MITF: variants seen among roughly 807,000 people sequenced by gnomAD.
MITF encodes melanocyte inducing transcription factor, also known as microphthalmia-associated transcription factor.
In MITF, 17 loss-of-function variants were observed where a neutral mutation model predicts 60.5. The ratio of observed to expected loss-of-function variants is 0.28; its 90% CI spans 0.19 to 0.42. The LOEUF is 0.42. Among genes scored for constraint, MITF ranks in the 10% least tolerant of loss-of-function variants. The probability of loss-of-function intolerance (pLI) is 1.00; values close to 1 mark genes in which losing one functional copy is unlikely to be tolerated. For synonymous variants in MITF, 260 were observed against 248.5 expected, an observed-to-expected ratio of 1.05 and a Z score of -0.43; for missense variants, 622 against 683.5, an observed-to-expected ratio of 0.91 and a Z score of 1.00.
At chr3:69,953,639 A>ATG (rs758316664) in intron 7 of MITF, among the ~76,000 whole-genome samples, 3,520 of 142,154 alleles carry the variant, frequency 0.025, 116 homozygotes, top group African/African-American at 0.078. Flanking sequence ...GTATATATAT[A>ATG]TATGTATGTA....
At chr3:69,757,067 C>T (rs1008592208) in intron 1 of MITF, among the ~76,000 whole-genome samples, 2 of 151,874 alleles carry the variant, frequency 1.3e-5, no homozygotes, top group South Asian at 4.2e-4. Flanking sequence ...AAAATTTTCT[C>T]CCATTCTGTA....
intron 1 of MITF, chr3:69,752,522 G>C (rs1007757048): frequency 5.3e-5 from 8 of 152,138 alleles, no homozygotes; most frequent in Non-Finnish European, 7.4e-5. Flanking sequence ...CCTGCCATAG[G>C]GATCTGTGGA....
Position 69,941,480 on chromosome 3 carries a change from A to T in MITF, c.762+149A>T, listed in dbSNP as rs2065967876. On this transcript the variant is annotated intron_variant, in intron 5 of 9. Coordinates refer to ENST00000352241, the MANE Select transcript of MITF (RefSeq NM_001354604.2). ...GAGAATTATCTCAGGATCACAAATAAGTGACTTTAACATCAGAAATTAAGA... is the reference window on the plus strand; with the variant it reads ...GAGAATTATCTCAGGATCACAAATATGTGACTTTAACATCAGAAATTAAGA... The T allele has an allele frequency of 6.4e-6, 4 of 627,460 alleles. No individual in the cohort carries two copies. The South Asian group carries it at 7.7e-5, about 12-fold the overall frequency. The allele number at this position is 627,460 out of a possible 1,614,324, so 38.9% of individuals were successfully genotyped here.
chr3:69,751,361 A>T lies in MITF; in HGVS notation c.104+11660A>T, dbSNP rs147333954. ...TTGTCACAAATGAGGATGTCCTGAC[A>T]TAATGGAATCGTTCCCCTTGTTCTG... On this transcript the variant is annotated intron_variant, in intron 1 of 9. Coordinates refer to ENST00000352241, the MANE Select transcript of MITF (RefSeq NM_001354604.2). 2.0e-5 allele frequency among the ~76,000 whole-genome samples: 3 copies of T among 152,300 alleles called. No individual in the cohort carries two copies. In the East Asian group the frequency reaches 5.8e-4, roughly 29 times the overall value.
At chr3:69,940,793 C>T (rs2065950433) in intron 4 of MITF, among the ~76,000 whole-genome samples, 1 of 152,122 alleles carries the variant, frequency 6.6e-6, no homozygotes, top group African/African-American at 2.4e-5. Flanking sequence ...TACATCTCTC[C>T]TGTTTAGGGC....
In MITF at chr3:69,966,663, T is replaced by A. The variant is rs1284669853; in HGVS notation, c.*1415T>A. ...ATGTTATAAAGTTAGTTTCAGTGCATTATCTACTTGTGTAGTCCTATGCAA... is the reference window on the plus strand; with the variant it reads ...ATGTTATAAAGTTAGTTTCAGTGCAATATCTACTTGTGTAGTCCTATGCAA... On this transcript the variant is annotated 3_prime_UTR_variant, in exon 10 of 10. Transcript: ENST00000352241. 8 of 232,980 alleles carry A rather than the reference T, an allele frequency of 3.4e-5. No homozygotes were observed. In the East Asian group the frequency reaches 4.9e-4, roughly 14 times the overall value. The allele number at this position is 232,980 out of a possible 1,614,324, so 14.4% of individuals were successfully genotyped here.
At chr3:69,963,476 T>G (rs2066600954) in intron 9 of MITF, among the ~76,000 whole-genome samples, 1 of 152,234 alleles carries the variant, frequency 6.6e-6, no homozygotes, top group South Asian at 2.1e-4. Flanking sequence ...AACAACTTAT[T>G]AAGTATTTAG....
chr3:69,936,096 A>G (rs2065826948), intron 2 of MITF, among the ~76,000 whole-genome samples: 1 of 152,178 alleles, frequency 6.6e-6, no homozygotes, highest in Admixed American at 6.5e-5. Flanking sequence ...ACATCTATGT[A>G]GCTAAGAATA....
intron 1 of MITF, among the ~76,000 whole-genome samples, chr3:69,806,583 T>C (rs567096332): frequency 6.6e-6 from 1 of 152,256 alleles, no homozygotes; most frequent in Admixed American, 6.5e-5. Flanking sequence ...TAGAGGTGGG[T>C]CCTTGAACTC....
chr3:69,936,935 A>G (rs1225762232), intron 2 of MITF: 2 of 473,604 alleles, frequency 4.2e-6, no homozygotes, highest in South Asian at 7.0e-5. Context: ...CAAAGTAAAT[A>G]TTAGTAGGAT....
chr3:69,888,413 CTTTTTTTT>C (rs199920801), intron 2 of MITF, among the ~76,000 whole-genome samples: 8 of 141,876 alleles, frequency 5.6e-5, no homozygotes, highest in African/African-American at 1.8e-4. Context: ...TTCTTTTTTT[CTTTTTTTT>C]TTTTTCTTTT....
chr3:69,863,532 G>C lies in MITF; in HGVS notation c.105-15602G>C, dbSNP rs11916863. Reference sequence around the variant, plus strand: ...CACCACATTATGTCCCCTTCGGGAAGGGCTGGAATTGATACCATTGGTTTC... The same window carrying C: ...CACCACATTATGTCCCCTTCGGGAACGGCTGGAATTGATACCATTGGTTTC... On this transcript the variant is annotated intron_variant, in intron 1 of 9. Transcript: ENST00000352241. Among the ~76,000 whole-genome samples the C allele has an allele frequency of 8.8e-3, 1,337 of 152,298 alleles. 17 individuals carry two copies. Among genetic ancestry groups the C allele is most frequent in the African/African-American group, 0.029 (1,217 of 41,554 alleles).
rs112373315 is a variant in MITF, at chr3:69,814,792, T to A, written c.105-64342T>A. 4.0e-3 allele frequency among the ~76,000 whole-genome samples: 602 copies of A among 151,928 alleles called. 6 individuals carry two copies. Among genetic ancestry groups the A allele is most frequent in the African/African-American group, 0.013 (559 of 41,416 alleles). On this transcript the variant is annotated intron_variant, in intron 1 of 9. Transcript: ENST00000352241. ...TTCCAGGTGTCCCCTCCCAGTGGAG[T>A]CACATGGAGATTTGCTTGATTCTCC...
Position 69,798,325 on chromosome 3 carries a change from A to G in MITF, c.104+58624A>G, listed in dbSNP as rs746379318. On this transcript the variant is annotated intron_variant, in intron 1 of 9. Transcript: ENST00000352241. Reference sequence around the variant, plus strand: ...TGAATTCCTTCTATATGTTTTTGTCAGCTGCACAGTCTTGGCCAAGTAATT... The same window carrying G: ...TGAATTCCTTCTATATGTTTTTGTCGGCTGCACAGTCTTGGCCAAGTAATT... Among the ~76,000 whole-genome samples, 28 of 152,348 alleles carry G rather than the reference A, an allele frequency of 1.8e-4. No individual in the cohort carries two copies. The Middle Eastern group carries it at 0.01, about 56-fold the overall frequency.
At chr3:69,914,888 C>T (rs1342197810) in intron 2 of MITF, among the ~76,000 whole-genome samples, 1 of 152,074 alleles carries the variant, frequency 6.6e-6, no homozygotes, top group African/African-American at 2.4e-5. Context: ...GAGGGCTCCA[C>T]CTTTAAAAAT....
At position 69,814,773 on chromosome 3, in the gene MITF, G is replaced by T. The variant is rs1055862849; in HGVS notation, c.105-64361G>T. 2.6e-5 allele frequency among the ~76,000 whole-genome samples: 4 copies of T among 152,050 alleles called. No homozygotes were observed. The East Asian group carries it at 7.7e-4, about 29-fold the overall frequency. On this transcript the variant is annotated intron_variant, in intron 1 of 9. Coordinates refer to ENST00000352241, the MANE Select transcript of MITF (RefSeq NM_001354604.2). ...GTAAAAAGAAGGTGCAAGCTTCCAG[G>T]TGTCCCCTCCCAGTGGAGTCACATG...
At chr3:69,775,651 C>G (rs1441673714) in intron 1 of MITF, among the ~76,000 whole-genome samples, 1 of 152,116 alleles carries the variant, frequency 6.6e-6, no homozygotes, top group African/African-American at 2.4e-5. Context: ...TTTGGATCCC[C>G]CATTCTTTTT....
At chr3:69,932,486 G>A (rs1273582842) in intron 2 of MITF, among the ~76,000 whole-genome samples, 1 of 152,070 alleles carries the variant, frequency 6.6e-6, no homozygotes, top group African/African-American at 2.4e-5. Flanking sequence ...TCCTGTTGTA[G>A]AGAAAAAGCA....
At chr3:69,936,284 A>G (rs984125306) in intron 2 of MITF, among the ~76,000 whole-genome samples, 8 of 152,214 alleles carry the variant, frequency 5.3e-5, no homozygotes, top group Middle Eastern at 3.2e-3. Context: ...CCAAAGGGGC[A>G]TTCTGCTATT....
Sources: gnomAD v4.1 joint callset for allele counts (sites outside exome capture counted in the v4.1 genomes callset) on GRCh38, gnomAD v4.1.1 for gene constraint, MANE v1.5 for transcripts, NCBI Gene and HGNC (gene_info 2026-07-23, HGNC 2026-07-21) for gene names.